Variants in CDC42EP4 observed in about 807,000 individuals in gnomAD.
CDC42EP4 encodes CDC42 effector protein 4.
Under a neutral mutation model 5.6 loss-of-function variants are expected in CDC42EP4, and 6 were observed. The observed-to-expected ratio is 1.07, with a 90% CI of 0.59 to 2.12. The LOEUF (loss-of-function observed/expected upper bound fraction) is 2.12, where lower values mean the gene tolerates loss of function less well. Among genes scored for constraint, CDC42EP4 ranks in the 30% most tolerant of loss-of-function variants. The pLI is 0.00. For missense variants in CDC42EP4, 490 were observed against 508.6 expected, an observed-to-expected ratio of 0.96 and a Z score of 0.35; for synonymous variants, 230 against 224.2, an observed-to-expected ratio of 1.03 and a Z score of -0.23.
At chr17:73,289,254 C>G (rs555006622) in intron 1 of CDC42EP4, among the ~76,000 whole-genome samples, 9 of 152,164 alleles carry the variant, frequency 5.9e-5, no homozygotes, top group African/African-American at 1.7e-4. Flanking sequence ...TCCCAGCACT[C>G]TGGGAGGCTA....
At position 73,285,925 on chromosome 17, in the gene CDC42EP4, G is replaced by T. The variant is rs367875010; in HGVS notation, c.576C>A (p.Val192=). 1.2e-6 allele frequency: 2 copies of T among 1,613,902 alleles called. No homozygotes were observed. Among genetic ancestry groups the T allele is most frequent in the South Asian group, 2.2e-5 (2 of 91,078 alleles). Residue 192 remains valine (V), a synonymous_variant, in exon 2 of 2, where the codon GTC becomes GTA. Transcript: ENST00000335793. This position sits in a 1 kb window ranked among gnomAD's most constrained non-coding sequence, Gnocchi z 6.8. ...QAFGDLTDLP[V]VPKATYGLKH... is the part of the protein sequence containing the mutation. ...TCAGCCCGTACGTGGCCTTGGGCACGACAGGCAGATCTGTCAGATCCCCAA... is the reference window on the plus strand; with the variant it reads ...TCAGCCCGTACGTGGCCTTGGGCACTACAGGCAGATCTGTCAGATCCCCAA...
In CDC42EP4 at chr17:73,285,276, G is replaced by A. The variant is rs1006347387; in HGVS notation, c.*154C>T. ...CCCCTACGTCCTCCGAAGACCCGAGGGCCAGGCCAGTGTCCCTCATCTACA... is the reference window on the plus strand; with the variant it reads ...CCCCTACGTCCTCCGAAGACCCGAGAGCCAGGCCAGTGTCCCTCATCTACA... On this transcript the variant is annotated 3_prime_UTR_variant, in exon 2 of 2. Coordinates refer to ENST00000335793, the MANE Select transcript of CDC42EP4 (RefSeq NM_012121.5). The surrounding 1 kb of genome is among the most constrained non-coding windows in gnomAD (Gnocchi z 6.8). 1.3e-5 allele frequency: 8 copies of A among 599,026 alleles called. No homozygotes were observed. Among genetic ancestry groups the A allele is most frequent in the South Asian group, 2.8e-5 (1 of 35,792 alleles). The allele number at this position is 599,026 out of a possible 1,614,324, so 37.1% of individuals were successfully genotyped here. A position where few individuals can be genotyped will look rare whatever the true frequency, so the allele number is the denominator to read the frequency against.
chr17:73,304,551 A>G (rs1243489639), intron 1 of CDC42EP4, among the ~76,000 whole-genome samples: 1 of 151,034 alleles, frequency 6.6e-6, no homozygotes, highest in Admixed American at 6.6e-5. Context: ...TTAGAGGGGC[A>G]CGTGCTCTAC....
At chr17:73,303,114 C>T (rs1325788336) in intron 1 of CDC42EP4, among the ~76,000 whole-genome samples, 8 of 144,034 alleles carry the variant, frequency 5.6e-5, no homozygotes, top group South Asian at 2.2e-4. Flanking sequence ...GAGGCTGAGG[C>T]GGGCGGATCA....
At chr17:73,310,743 TCACACACACACACACACACACACACACA>T (rs57841496) in intron 1 of CDC42EP4, 10 of 134,540 alleles carry the variant, frequency 7.4e-5, no homozygotes, top group South Asian at 2.5e-4. Flanking sequence ...CCTCCCCCAG[TCACACACACACACACACACACACACACA>T]CACACACACA....
chr17:73,311,821 AC>A (rs934371163), intron 1 of CDC42EP4, 71 bp downstream of exon 1: 9 of 151,192 alleles, frequency 6.0e-5, no homozygotes, highest in African/African-American at 2.2e-4. Context: ...GGGACTCGAG[AC>A]CCCCAAGCCC....
intron 1 of CDC42EP4, among the ~76,000 whole-genome samples, chr17:73,299,454 C>T (rs1293398806): frequency 0.037 from 5,321 of 145,570 alleles, 271 homozygotes; most frequent in African/African-American, 0.11. Flanking sequence ...TACACACACA[C>T]ACACACACAC....
At chr17:73,301,174 T>TTTTAGACTGATGTG (rs2062217661) in intron 1 of CDC42EP4, among the ~76,000 whole-genome samples, 1 of 152,220 alleles carries the variant, frequency 6.6e-6, no homozygotes, top group Non-Finnish European at 1.5e-5. Flanking sequence ...CTCATTAATA[T>TTTTAGACTGATGTG]TTTAGACTGA....
intron 1 of CDC42EP4, among the ~76,000 whole-genome samples, chr17:73,295,469 G>A (rs1033466387): frequency 6.6e-6 from 1 of 152,190 alleles, no homozygotes; most frequent in Admixed American, 6.5e-5. Context: ...TGAGCAATTG[G>A]TACTAGGTGC....
chr17:73,290,266 G>A (rs1253756011), intron 1 of CDC42EP4, among the ~76,000 whole-genome samples: 1 of 152,224 alleles, frequency 6.6e-6, no homozygotes, highest in Non-Finnish European at 1.5e-5. Context: ...TGAGTCCAGA[G>A]CTCTCTCCGC....
At chr17:73,301,689 G>A (rs934737312) in intron 1 of CDC42EP4, among the ~76,000 whole-genome samples, 3 of 150,856 alleles carry the variant, frequency 2.0e-5, no homozygotes, top group African/African-American at 7.3e-5. Flanking sequence ...AGGGGCTACA[G>A]GCACACGCCA....
rs958809589 is a variant in CDC42EP4 at position 73,304,485 on chromosome 17, A to G, written c.-113+7408T>C. Among the ~76,000 whole-genome samples, 8 of 152,068 alleles carry G rather than the reference A, an allele frequency of 5.3e-5. No homozygotes were observed. The South Asian group carries it at 1.7e-3, about 32-fold the overall frequency. On this transcript the variant is annotated intron_variant, in intron 1 of 1. Coordinates refer to ENST00000335793, the MANE Select transcript of CDC42EP4 (RefSeq NM_012121.5). ...AACTTTATCTCATGTATTCTTCCCA[A>G]CAATCCCATGGAGTTATCACTATCA... is the stretch of plus-strand genomic sequence containing the variant.
chr17:73,305,414 A>G (rs962766508), intron 1 of CDC42EP4, among the ~76,000 whole-genome samples: 14 of 152,320 alleles, frequency 9.2e-5, no homozygotes, highest in African/African-American at 2.4e-4. Context: ...GCTTGAAATC[A>G]GATCTGCCAG....
intron 1 of CDC42EP4, among the ~76,000 whole-genome samples, chr17:73,298,944 C>T (rs2062202550): frequency 6.6e-6 from 1 of 151,944 alleles, no homozygotes; most frequent in Non-Finnish European, 1.5e-5. Flanking sequence ...TTATTTTACT[C>T]ACTCTCACAT....
intron 1 of CDC42EP4, among the ~76,000 whole-genome samples, chr17:73,290,331 C>T (rs1182189022): frequency 1.3e-5 from 2 of 152,206 alleles, no homozygotes; most frequent in African/African-American, 2.4e-5. Context: ...CAGTGACCAC[C>T]GACCACTGAG....
intron 1 of CDC42EP4, chr17:73,307,404 G>A (rs1045180811): frequency 2.6e-5 from 4 of 152,096 alleles, no homozygotes; most frequent in East Asian, 1.9e-4. Context: ...GGGGCACGGT[G>A]AGCGGGAATG....
intron 1 of CDC42EP4, among the ~76,000 whole-genome samples, chr17:73,295,454 C>T (rs2062179765): frequency 1.3e-5 from 2 of 152,192 alleles, no homozygotes; most frequent in Non-Finnish European, 2.9e-5. Flanking sequence ...GGACCTTCCT[C>T]CCACTGAGCA....
chr17:73,293,839 C>T (rs1010000846), intron 1 of CDC42EP4, among the ~76,000 whole-genome samples: 3 of 152,136 alleles, frequency 2.0e-5, no homozygotes, highest in Non-Finnish European at 4.4e-5. Context: ...AGTGAATGGG[C>T]GAGAACAGTG....
rs1175798409 is a variant in CDC42EP4, at chr17:73,297,130, C to T, written c.-112-10518G>A. On this transcript the variant is annotated intron_variant, in intron 1 of 1. Coordinates refer to ENST00000335793, the MANE Select transcript of CDC42EP4 (RefSeq NM_012121.5). ...CCAACATGGTGAAACCCCATCTCTA[C>T]TAAAAATACAAAAATTAGCCAGGTG... 2.0e-5 allele frequency among the ~76,000 whole-genome samples: 3 copies of T among 150,792 alleles called. 1 individual carries two copies. Among genetic ancestry groups the T allele is most frequent in the Admixed American group, 1.3e-4 (2 of 15,106 alleles).
Sources: gnomAD v4.1 joint callset for allele counts (sites outside exome capture counted in the v4.1 genomes callset) on GRCh38, gnomAD v4.1.1 for gene constraint, Gnocchi (gnomAD v3.1) non-coding constraint, MANE v1.5 for transcripts, NCBI Gene and HGNC (gene_info 2026-07-23, HGNC 2026-07-21) for gene names.